Variants in RAD52 observed in about 807,000 individuals in gnomAD.
RAD52 encodes RAD52 DNA repair protein.
Under a neutral mutation model 55.5 loss-of-function variants are expected in RAD52, and 47 were observed. That is an observed-to-expected ratio of 0.85 (90% CI 0.67 to 1.08). The LOEUF is 1.08. Among genes scored for constraint, RAD52 ranks in the 50% least tolerant of loss-of-function variants. The pLI is 0.00. For synonymous variants in RAD52, 184 were observed against 198.9 expected, an observed-to-expected ratio of 0.92 and a Z score of 0.63; for missense variants, 468 against 522.8, an observed-to-expected ratio of 0.90 and a Z score of 1.02.
chr12:952,564 A>G (rs1958543017), upstream of RAD52, among the ~76,000 whole-genome samples: 1 of 152,146 alleles, frequency 6.6e-6, no homozygotes, highest in African/African-American at 2.4e-5. Context: ...GTCATACTCA[A>G]TTCAGGATAG....
At chr12:913,550 T>G in intron 11 of RAD52, 98 bp from the exon 12 acceptor site, 2 of 1,006,544 alleles carry the variant, frequency 2.0e-6, no homozygotes, top group South Asian at 2.8e-5. Context: ...TAATTTAGAC[T>G]AAGCCCAAGA....
intron 5 of RAD52, among the ~76,000 whole-genome samples, chr12:928,134 C>T (rs1042828108): frequency 6.6e-5 from 10 of 152,224 alleles, no homozygotes; most frequent in African/African-American, 2.2e-4. Context: ...TTTCCATTCT[C>T]AGCTACTCAC....
At chr12:965,935 T>G (rs535681270) in intron 1 of RAD52, among the ~76,000 whole-genome samples, 4 of 152,114 alleles carry the variant, frequency 2.6e-5, no homozygotes, top group South Asian at 4.1e-4. Flanking sequence ...CCTCCCGCCT[T>G]GGCCTCCCAA....
chr12:948,853 C>A (rs1008774406), intron 1 of RAD52, among the ~76,000 whole-genome samples: 1 of 152,050 alleles, frequency 6.6e-6, no homozygotes, highest in Non-Finnish European at 1.5e-5. Flanking sequence ...GCGCCCGCCA[C>A]CAGGCCTGCC....
At chr12:954,434 C>T (rs1044851823), upstream of RAD52, among the ~76,000 whole-genome samples, 1 of 152,130 alleles carries the variant, frequency 6.6e-6, no homozygotes, top group Non-Finnish European at 1.5e-5. Flanking sequence ...GAGTTTGAGA[C>T]CAGCCTGGCC....
chr12:968,459 C>T (rs1958799132), intron 1 of RAD52, among the ~76,000 whole-genome samples: 1 of 151,950 alleles, frequency 6.6e-6, no homozygotes, highest in African/African-American at 2.4e-5. Flanking sequence ...TGGTGCTTCC[C>T]GGGAAGACCC....
At chr12:964,271 C>A (rs1229738334) in intron 1 of RAD52, among the ~76,000 whole-genome samples, 1 of 152,048 alleles carries the variant, frequency 6.6e-6, no homozygotes, top group East Asian at 1.9e-4. Flanking sequence ...AGATGTTAAA[C>A]AAGAAGACTA....
At chr12:983,997 A>G (rs1959054092) in intron 1 of RAD52, among the ~76,000 whole-genome samples, 2 of 152,222 alleles carry the variant, frequency 1.3e-5, no homozygotes, top group Admixed American at 1.3e-4. Flanking sequence ...AAATGTAAGT[A>G]ACATAACACT....
At chr12:963,840 G>A (rs1013438910) in intron 1 of RAD52, among the ~76,000 whole-genome samples, 26 of 151,774 alleles carry the variant, frequency 1.7e-4, no homozygotes, top group African/African-American at 6.3e-4. Flanking sequence ...AAAAAAGAAA[G>A]AAAAGAAAAA....
chr12:919,965 T>C lies in RAD52; in HGVS notation c.544-3145A>G, dbSNP rs1956627683. Among the ~76,000 whole-genome samples the C allele has an allele frequency of 1.7e-5, 2 of 115,402 alleles. 1 individual carries two copies. Among genetic ancestry groups the C allele is most frequent in the South Asian group, 6.6e-4 (2 of 3,010 alleles). 75.7% of individuals were successfully genotyped at this position (115,402 alleles called of 152,430 possible). A position where few individuals can be genotyped will look rare whatever the true frequency, so the allele number is the denominator to read the frequency against. On this transcript the variant is annotated intron_variant, in intron 7 of 11. Coordinates refer to ENST00000358495, the MANE Select transcript of RAD52 (RefSeq NM_134424.4). ...TAGTTGGGAGGCTGAGGTAGAAGAATTGCCTGAACCTGGGAGGCAGAGATG... is the reference window on the plus strand; with the variant it reads ...TAGTTGGGAGGCTGAGGTAGAAGAACTGCCTGAACCTGGGAGGCAGAGATG...
intron 7 of RAD52, among the ~76,000 whole-genome samples, chr12:921,276 AAG>A (rs1956713577): frequency 6.6e-6 from 1 of 152,186 alleles, no homozygotes; most frequent in South Asian, 2.1e-4. Flanking sequence ...ACATAAGTGA[AAG>A]AGAGAATACA....
intron 1 of RAD52, among the ~76,000 whole-genome samples, chr12:966,113 G>A (rs1958763700): frequency 1.3e-5 from 2 of 151,988 alleles, no homozygotes; most frequent in South Asian, 4.1e-4. Flanking sequence ...ACGGGCATGT[G>A]CCACCACAAC....
intron 6 of RAD52, 129 bp downstream of exon 6, chr12:927,016 G>A (rs1957072789): frequency 6.5e-7 from 1 of 1,537,996 alleles, no homozygotes; most frequent in African/African-American, 1.4e-5. Flanking sequence ...GGGCAGGGGT[G>A]AGAATTACCT....
At chr12:927,375 T>C (rs1054078650) in intron 5 of RAD52, 112 bp from the exon 6 acceptor site, 19 of 791,524 alleles carry the variant, frequency 2.4e-5, no homozygotes, top group Non-Finnish European at 3.9e-5. Context: ...CTGGCGGCCT[T>C]GCTACAGGGG....
At chr12:953,884 C>G (rs1007860649), upstream of RAD52, among the ~76,000 whole-genome samples, 1 of 152,140 alleles carries the variant, frequency 6.6e-6, no homozygotes, top group Non-Finnish European at 1.5e-5. Flanking sequence ...GAGAGCGTTC[C>G]GTACACACAG....
intron 1 of RAD52, among the ~76,000 whole-genome samples, chr12:979,557 G>C (rs981752584): frequency 1.3e-5 from 2 of 151,924 alleles, no homozygotes; most frequent in African/African-American, 4.8e-5. Context: ...CTCTCTCTCT[G>C]TGCGTGTGTG....
chr12:933,095 G>C lies in RAD52; in HGVS notation c.-18-19C>G. ...TTGACCTCTATATAAATAAAAAGCG[G>C]AAAAAAAAAACAACCCTCAAAGAAT... On this transcript the variant is annotated intron_variant, in intron 1 of 11. Transcript: ENST00000358495. The C allele has an allele frequency of 2.2e-6, 3 of 1,365,872 alleles. No homozygotes were observed. The highest frequency in any genetic ancestry group is 1.0e-6 in the Non-Finnish European group (1 of 997,904). The allele number at this position is 1,365,872 out of a possible 1,614,324, so 84.6% of individuals were successfully genotyped here.
At chr12:951,996 C>T (rs1958535195), upstream of RAD52, among the ~76,000 whole-genome samples, 1 of 152,136 alleles carries the variant, frequency 6.6e-6, no homozygotes, top group Non-Finnish European at 1.5e-5. Context: ...CAGCACCTCA[C>T]TCTGCTGCCC....
At chr12:973,779 C>CTTTTTTTTTTTTTTTTTT (rs1401411600) in intron 1 of RAD52, among the ~76,000 whole-genome samples, 2 of 136,848 alleles carry the variant, frequency 1.5e-5, no homozygotes, top group Non-Finnish European at 3.0e-5. Context: ...ACGCCCAGTC[C>CTTTTTTTTTTTTTTTTTT]TTCTTTTTTT....
Sources: allele counts gnomAD v4.1 joint callset (sites outside exome capture counted in the v4.1 genomes callset), GRCh38; gene constraint gnomAD v4.1.1; transcripts MANE v1.5; gene names NCBI Gene and HGNC (gene_info 2026-07-23, HGNC 2026-07-21).